The following PLAAT3 variants were observed in gnomAD, a reference collection of about 807,000 sequenced individuals.
The protein encoded by PLAAT3 is Ca-independent phospholipase A1/2.
Under a neutral mutation model 16.7 loss-of-function variants are expected in PLAAT3, and 21 were observed. That is an observed-to-expected ratio of 1.26 (90% CI 0.89 to 1.81). PLAAT3 has a LOEUF of 1.81. Among genes scored for constraint, PLAAT3 ranks in the 40% most tolerant of loss-of-function variants. The probability of loss-of-function intolerance (pLI) is 0.00; values close to 1 mark genes in which losing one functional copy is unlikely to be tolerated. For synonymous variants in PLAAT3, 76 were observed against 81.7 expected (o/e 0.93, Z 0.38); for missense variants, 219 against 213.7 (o/e 1.02, Z -0.16).
intron 2 of PLAAT3, among the ~76,000 whole-genome samples, chr11:63,611,879 C>T (rs1401097802): frequency 1.3e-5 from 2 of 152,232 alleles, no homozygotes; most frequent in Non-Finnish European, 2.9e-5. Flanking sequence ...TGGCTCACGC[C>T]TGTAATCCCA....
intron 4 of PLAAT3, among the ~76,000 whole-genome samples, chr11:63,580,596 G>A (rs1378516455): frequency 6.6e-6 from 1 of 152,224 alleles, no homozygotes; most frequent in Non-Finnish European, 1.5e-5. Context: ...AAAGTTTGCA[G>A]TGAGCTGAGA....
In PLAAT3 at chr11:63,609,864, C is replaced by T. The variant is rs1938651534; in HGVS notation, c.15+4136G>A. ...CAGACTTTGACCACCAGGCCCAGGCCTATTCTCCTACAGGGCAAACCTCAC... is the reference window on the plus strand; with the variant it reads ...CAGACTTTGACCACCAGGCCCAGGCTTATTCTCCTACAGGGCAAACCTCAC... On this transcript the variant is annotated intron_variant, in intron 2 of 4. Coordinates refer to ENST00000415826, the MANE Select transcript of PLAAT3 (RefSeq NM_001128203.2). Among the ~76,000 whole-genome samples the T allele has an allele frequency of 2.0e-5, 3 of 152,306 alleles. No homozygotes were observed. In the South Asian group the frequency reaches 6.2e-4, roughly 32 times the overall value.
intron 4 of PLAAT3, among the ~76,000 whole-genome samples, chr11:63,576,118 G>C (rs1404854984): frequency 3.9e-5 from 6 of 152,120 alleles, no homozygotes; most frequent in African/African-American, 1.2e-4. Flanking sequence ...GAGTCCAGAA[G>C]ACTTTTCTGG....
In PLAAT3 at chr11:63,579,889, AAG is replaced by A. The variant is rs1491058951; in HGVS notation, c.388-4845_388-4844del. ...AAGTATAATAAAAAAAAAAAAAAAAAAGAAGAAGACAATGGAGCAATGCCTCC... is the reference window on the plus strand; with the variant it reads ...AAGTATAATAAAAAAAAAAAAAAAAAAAGAAGACAATGGAGCAATGCCTCC... On this transcript the variant is annotated intron_variant, in intron 4 of 4. Transcript: ENST00000415826. 1.6e-3 allele frequency among the ~76,000 whole-genome samples: 209 copies of A among 133,990 alleles called. 1 individual carries two copies. The highest frequency in any genetic ancestry group is 6.1e-3 in the African/African-American group (197 of 32,348). The allele number at this position is 133,990 out of a possible 152,430, so 87.9% of individuals were successfully genotyped here.
intron 1 of PLAAT3, 55 bp downstream of exon 1, chr11:63,614,330 C>T (rs1263672972): frequency 2.4e-6 from 1 of 422,904 alleles, no homozygotes; most frequent in African/African-American, 2.1e-5. Context: ...GAGAAGCATC[C>T]CAGGCACCTC....
intron 3 of PLAAT3, among the ~76,000 whole-genome samples, chr11:63,594,894 T>TC (rs1490784878): frequency 1.9e-5 from 1 of 52,386 alleles, no homozygotes; most frequent in Non-Finnish European, 3.7e-5. Flanking sequence ...GAGGAGGGGG[T>TC]GGGGGTACAT....
chr11:63,615,799 T>C (rs539078524), upstream of PLAAT3, among the ~76,000 whole-genome samples: 30 of 151,038 alleles, frequency 2.0e-4, no homozygotes, highest in South Asian at 5.5e-3. Context: ...TCCGGAGTAG[T>C]TGGGATTACA....
chr11:63,595,141 A>T (rs1333453622), intron 3 of PLAAT3, among the ~76,000 whole-genome samples: 1 of 151,980 alleles, frequency 6.6e-6, no homozygotes, highest in Non-Finnish European at 1.5e-5. Flanking sequence ...AAATACAAAA[A>T]TTAGCTGGGC....
rs1937819176 is a variant in PLAAT3, at chr11:63,581,670, C to G, written c.388-6624G>C. Among the ~76,000 whole-genome samples the G allele has an allele frequency of 2.6e-5, 4 of 152,342 alleles. No homozygotes were observed. In the South Asian group the frequency reaches 8.3e-4, roughly 32 times the overall value. ...GCATGTGATCCTTGTGACCTACTCC[C>G]TGTTTGTACGCCCTCTCCCCTTTTA... On this transcript the variant is annotated intron_variant, in intron 4 of 4. Coordinates refer to ENST00000415826, the MANE Select transcript of PLAAT3 (RefSeq NM_001128203.2).
At chr11:63,581,935 T>C (rs1167614810) in intron 4 of PLAAT3, among the ~76,000 whole-genome samples, 1 of 152,250 alleles carries the variant, frequency 6.6e-6, no homozygotes, top group African/African-American at 2.4e-5. Context: ...AAAATTGATT[T>C]TCTCCTACAG....
intron 3 of PLAAT3, among the ~76,000 whole-genome samples, chr11:63,593,109 G>A (rs755206579): frequency 6.6e-6 from 1 of 152,268 alleles, no homozygotes; most frequent in East Asian, 1.9e-4. Flanking sequence ...ACTGGGTGCC[G>A]GGCCTTGTCC....
chr11:63,576,936 T>G (rs1246569323), intron 4 of PLAAT3, among the ~76,000 whole-genome samples: 2 of 152,158 alleles, frequency 1.3e-5, no homozygotes, highest in African/African-American at 4.8e-5. Context: ...AAAAAAGAAA[T>G]GTTTAAAATG....
At chr11:63,609,216 C>A (rs1938635978) in intron 2 of PLAAT3, among the ~76,000 whole-genome samples, 1 of 152,176 alleles carries the variant, frequency 6.6e-6, no homozygotes, top group South Asian at 2.1e-4. Flanking sequence ...CTTCTGACGC[C>A]CTGGGGGGAA....
Position 63,614,036 on chromosome 11 carries a change from T to A in PLAAT3, c.-22A>T, listed in dbSNP as rs1565258957. 3 of 1,613,212 alleles carry A rather than the reference T, an allele frequency of 1.9e-6. No homozygotes were observed. The East Asian group carries it at 6.7e-5, about 36-fold the overall frequency. On this transcript the variant is annotated 5_prime_UTR_variant, in exon 2 of 5. Transcript: ENST00000415826. The stretch of plus-strand genomic sequence containing the variant: ...GCATCTTCCCTCGCGGTGTGGACCC[T>A]CAAGGCCAGGCTCGATTTCGCTGCG...
rs762967483 is a variant in PLAAT3, at chr11:63,590,337, G to A, written c.150C>T (p.Val50=). 34 of 1,613,928 alleles carry A rather than the reference G, an allele frequency of 2.1e-5. 1 individual carries two copies. The South Asian group carries it at 3.4e-4, about 16-fold the overall frequency. The change falls in exon 4 of 5, where the codon GTC becomes GTT. Residue 50 remains valine (V), a synonymous_variant. Transcript: ENST00000415826. ...SEVAGAGAAS[V]MSALTDKAIV... is the part of the protein sequence containing the mutation. Reference sequence around the variant, plus strand: ...TGGCCTTGTCAGTCAGGGCGGACATGACACTGGCTGCACCAGCTCCTGCGA... The same window carrying A: ...TGGCCTTGTCAGTCAGGGCGGACATAACACTGGCTGCACCAGCTCCTGCGA...
chr11:63,610,819 G>C (rs78805749), intron 2 of PLAAT3, among the ~76,000 whole-genome samples: 2,588 of 152,146 alleles, frequency 0.017, 75 homozygotes, highest in African/African-American at 0.059. Flanking sequence ...CAAGGATGGC[G>C]CAGGTGGAGG....
upstream of PLAAT3, chr11:63,616,274 G>C (rs1590705986): frequency 6.6e-6 from 1 of 151,456 alleles, no homozygotes; most frequent in East Asian, 1.9e-4. Context: ...CCCAACCGCC[G>C]TAACTGCCAT....
chr11:63,605,240 C>CA (rs946862341), intron 2 of PLAAT3, among the ~76,000 whole-genome samples: 34 of 151,572 alleles, frequency 2.2e-4, no homozygotes, highest in South Asian at 1.3e-3. Context: ...ATTAAAAATA[C>CA]AAAAAAAATG....
intron 4 of PLAAT3, among the ~76,000 whole-genome samples, chr11:63,586,525 C>T (rs1012422095): frequency 6.6e-6 from 1 of 152,170 alleles, no homozygotes; most frequent in African/African-American, 2.4e-5. Context: ...ATATTCTTAA[C>T]GTAGAACTCT....
Sources: gnomAD v4.1 joint callset for allele counts (sites outside exome capture counted in the v4.1 genomes callset) on GRCh38, gnomAD v4.1.1 for gene constraint, MANE v1.5 for transcripts, NCBI Gene and HGNC (gene_info 2026-07-23, HGNC 2026-07-21) for gene names.